The following WDR41 variants were observed in gnomAD, a reference collection of about 807,000 sequenced individuals.
WDR41 encodes WD repeat domain 41.
A neutral mutation model predicts 69.3 loss-of-function variants in WDR41; 63 were observed. The ratio of observed to expected loss-of-function variants is 0.91; its 90% confidence interval spans 0.74 to 1.12. The LOEUF is 1.12. Ranked by LOEUF, WDR41 falls within the 50% of genes most tolerant of loss-of-function variation. The pLI is 0.00. For synonymous variants in WDR41, 185 were observed against 192.1 expected (o/e 0.96, Z 0.31); for missense variants, 543 against 534.5 (o/e 1.02, Z -0.16).
At chr5:77,611,254 G>A (rs1469517201) in intron 1 of WDR41, among the ~76,000 whole-genome samples, 2 of 152,108 alleles carry the variant, frequency 1.3e-5, no homozygotes, top group Non-Finnish European at 2.9e-5. Context: ...CAACAAGACA[G>A]AAAGTTAACA....
chr5:77,554,432 G>C (rs999972850), intron 1 of WDR41, among the ~76,000 whole-genome samples: 2 of 152,100 alleles, frequency 1.3e-5, no homozygotes, highest in East Asian at 3.9e-4. Context: ...AATAGGATTA[G>C]TGCTCTTGTA....
At chr5:77,515,749 T>C (rs1285956386) in intron 1 of WDR41, among the ~76,000 whole-genome samples, 3 of 152,168 alleles carry the variant, frequency 2.0e-5, no homozygotes. Context: ...ATGCAGTCTG[T>C]CATTGACCAA....
At chr5:77,464,275 T>TTA (rs35418730) in intron 3 of WDR41, among the ~76,000 whole-genome samples, 2 of 33,444 alleles carry the variant, frequency 6.0e-5, no homozygotes, top group Non-Finnish European at 8.7e-5. Flanking sequence ...AGGAAAAAAC[T>TTA]TTTTTTTTTT....
At chr5:77,541,297 A>G (rs1743082899) in intron 1 of WDR41, among the ~76,000 whole-genome samples, 1 of 152,176 alleles carries the variant, frequency 6.6e-6, no homozygotes, top group Non-Finnish European at 1.5e-5. Context: ...AGCAAAGGAC[A>G]TGAACAGACA....
At chr5:77,611,837 A>T (rs1262681853) in intron 1 of WDR41, among the ~76,000 whole-genome samples, 6 of 152,106 alleles carry the variant, frequency 3.9e-5, no homozygotes, top group Non-Finnish European at 7.4e-5. Flanking sequence ...CCTTCAAAAA[A>T]TCAATGAATC....
chr5:77,571,826 T>G (rs1743738973), intron 1 of WDR41, among the ~76,000 whole-genome samples: 1 of 152,202 alleles, frequency 6.6e-6, no homozygotes, highest in South Asian at 2.1e-4. Flanking sequence ...ATTCAAAACC[T>G]GAATTCTTGG....
intron 12 of WDR41, among the ~76,000 whole-genome samples, chr5:77,433,658 C>T (rs926147486): frequency 6.6e-6 from 1 of 152,158 alleles, no homozygotes; most frequent in Non-Finnish European, 1.5e-5. Flanking sequence ...ACACTGGCTT[C>T]AGCTCTCTAT....
chr5:77,553,426 A>G (rs542279149), intron 1 of WDR41, among the ~76,000 whole-genome samples: 118 of 152,308 alleles, frequency 7.7e-4, no homozygotes, highest in Non-Finnish European at 1.5e-3. Flanking sequence ...TCATGAGAGC[A>G]GAATCCCCCT....
At chr5:77,552,149 G>A (rs995103903) in intron 1 of WDR41, among the ~76,000 whole-genome samples, 1 of 150,824 alleles carries the variant, frequency 6.6e-6, no homozygotes, top group East Asian at 1.9e-4. Flanking sequence ...AGAAAAGGTA[G>A]GGCAAATACA....
intron 1 of WDR41, among the ~76,000 whole-genome samples, chr5:77,507,440 CTTG>C (rs1358406762): frequency 1.3e-5 from 2 of 152,186 alleles, no homozygotes; most frequent in Non-Finnish European, 2.9e-5. Flanking sequence ...ATATCTTATA[CTTG>C]TTGTCTCGTG....
chr5:77,436,157 G>A, intron 12 of WDR41, 104 bp downstream of exon 12: 1 of 1,429,298 alleles, frequency 7.0e-7, no homozygotes, highest in Non-Finnish European at 9.4e-7. Flanking sequence ...AACACCTACA[G>A]ATATAAGAAA....
intron 1 of WDR41, among the ~76,000 whole-genome samples, chr5:77,566,950 G>GA (rs1291037231): frequency 6.6e-6 from 1 of 152,100 alleles, no homozygotes; most frequent in Non-Finnish European, 1.5e-5. Flanking sequence ...ATGTTAATGG[G>GA]AAAAAATATG....
chr5:77,435,030 G>C (rs1406462972), intron 12 of WDR41, among the ~76,000 whole-genome samples: 1 of 152,110 alleles, frequency 6.6e-6, no homozygotes, highest in Non-Finnish European at 1.5e-5. Context: ...TCCCCTACTA[G>C]TGTCTGTTCA....
chr5:77,574,342 T>C (rs986316673), intron 1 of WDR41, among the ~76,000 whole-genome samples: 15 of 151,988 alleles, frequency 9.9e-5, no homozygotes, highest in African/African-American at 3.6e-4. Flanking sequence ...AATTCCTATA[T>C]GGGCAGTGAT....
intron 1 of WDR41, among the ~76,000 whole-genome samples, chr5:77,540,954 A>AC (rs1326349393): frequency 6.6e-6 from 1 of 152,112 alleles, no homozygotes; most frequent in East Asian, 1.9e-4. Flanking sequence ...TTTTTCTAAA[A>AC]CCCCTACCAG....
chr5:77,565,143 CT>C, intron 1 of WDR41, among the ~76,000 whole-genome samples: 1 of 152,236 alleles, frequency 6.6e-6, no homozygotes, highest in Non-Finnish European at 1.5e-5. Flanking sequence ...CTGCCCCAGG[CT>C]TACTGAATCA....
intron 1 of WDR41, among the ~76,000 whole-genome samples, chr5:77,581,974 G>A (rs1484108342): frequency 4.6e-5 from 7 of 151,914 alleles, no homozygotes; most frequent in African/African-American, 1.7e-4. Flanking sequence ...AGCAAAAGAA[G>A]AAAATAAGTA....
chr5:77,538,274 ATTTCT>A lies in WDR41; in HGVS notation c.43-48707_43-48703del, dbSNP rs532559670. 1.9e-3 allele frequency among the ~76,000 whole-genome samples: 292 copies of A among 152,200 alleles called. 2 individuals carry two copies. Among genetic ancestry groups the A allele is most frequent in the Admixed American group, 3.8e-3 (58 of 15,286 alleles). On this transcript the variant is annotated intron_variant, in intron 1 of 5. Transcript: ENST00000509971. ...TACCCATGTCGCTGCAAAAGACATG[ATTTCT>A]TTTCTTTTCTAAATAACTTCCACTT...
chr5:77,519,828 T>C (rs1204830590), intron 1 of WDR41, among the ~76,000 whole-genome samples: 1 of 151,706 alleles, frequency 6.6e-6, no homozygotes, highest in Non-Finnish European at 1.5e-5. Context: ...GGAAGGCTAC[T>C]AGATTCAAAG....
Sources: allele counts gnomAD v4.1 joint callset (sites outside exome capture counted in the v4.1 genomes callset), GRCh38; gene constraint gnomAD v4.1.1; transcripts MANE v1.5; gene names NCBI Gene and HGNC (gene_info 2026-07-23, HGNC 2026-07-21).